Variants in OPA3 observed in about 807,000 individuals in gnomAD.
OPA3 encodes optic atrophy 3 protein.
OPA3 carries 6 observed loss-of-function variants against 4.0 expected under a neutral mutation model. The observed-to-expected ratio is 1.51, with a 90% CI of 0.83 to 2.99. The LOEUF is 2.99. Ranked by LOEUF, OPA3 falls within the 30% of genes most tolerant of loss-of-function variation. The pLI is 0.00. For synonymous variants in OPA3, 105 were observed against 117.1 expected, an observed-to-expected ratio of 0.90 and a Z score of 0.67; for missense variants, 235 against 256.2, an observed-to-expected ratio of 0.92 and a Z score of 0.56.
chr19:45,532,618 G>T lies in OPA3; in HGVS notation c.143-3162C>A, dbSNP rs182223281. On this transcript the variant is annotated intron_variant, in intron 1 of 1. Transcript: ENST00000323060. ...TTGCTCCTTTTTGTTACACCACTGG[G>T]AGGTTTTGTTGACTTTCAGAACTTA... Among the ~76,000 whole-genome samples, 108 of 152,142 alleles carry T rather than the reference G, an allele frequency of 7.1e-4. 1 individual carries two copies. The highest frequency in any genetic ancestry group is 2.5e-3 in the African/African-American group (104 of 41,498).
At chr19:45,555,879 G>A (rs1398881699) in intron 1 of OPA3, among the ~76,000 whole-genome samples, 1 of 151,890 alleles carries the variant, frequency 6.6e-6, no homozygotes, top group Non-Finnish European at 1.5e-5. Context: ...TGATCTGGCT[G>A]CCTCGGCCTC....
intron 1 of OPA3, among the ~76,000 whole-genome samples, chr19:45,582,678 G>A (rs1969874407): frequency 1.3e-5 from 2 of 151,904 alleles, no homozygotes; most frequent in African/African-American, 2.4e-5. Context: ...TGGGTTGGGG[G>A]GCCACAAGAT....
chr19:45,580,838 G>A (rs1028805456), intron 1 of OPA3, among the ~76,000 whole-genome samples: 2 of 151,500 alleles, frequency 1.3e-5, no homozygotes, highest in African/African-American at 4.9e-5. Flanking sequence ...GGCTGGTCTT[G>A]AACTCCTGAC....
intron 1 of OPA3, among the ~76,000 whole-genome samples, chr19:45,574,396 CAAA>C (rs779877314): frequency 2.8e-5 from 2 of 72,552 alleles, no homozygotes. Flanking sequence ...GACTCTGTCT[CAAA>C]AAAAAAAAAA....
chr19:45,531,756 A>G (rs1969063237), intron 1 of OPA3, among the ~76,000 whole-genome samples: 1 of 152,176 alleles, frequency 6.6e-6, no homozygotes, highest in Non-Finnish European at 1.5e-5. Context: ...TGGTTCCACG[A>G]TGTGTAAAGG....
intron 1 of OPA3, among the ~76,000 whole-genome samples, chr19:45,554,816 G>C (rs900493037): frequency 2.6e-5 from 4 of 152,202 alleles, no homozygotes; most frequent in Non-Finnish European, 4.4e-5. Flanking sequence ...TTTAGAGACG[G>C]AGTCTCACTC....
chr19:45,571,752 C>T (rs1237719376), intron 1 of OPA3, among the ~76,000 whole-genome samples: 3 of 152,148 alleles, frequency 2.0e-5, no homozygotes, highest in Admixed American at 2.0e-4. Context: ...TGGGCATCTA[C>T]TGGAAGTGCC....
chr19:45,568,811 G>A (rs1969620156), intron 1 of OPA3, among the ~76,000 whole-genome samples: 1 of 152,074 alleles, frequency 6.6e-6, no homozygotes, highest in Non-Finnish European at 1.5e-5. Flanking sequence ...TGTGACGCAG[G>A]GTGGACCACT....
chr19:45,558,199 G>C (rs572429139), intron 1 of OPA3, among the ~76,000 whole-genome samples: 1 of 152,196 alleles, frequency 6.6e-6, no homozygotes, highest in African/African-American at 2.4e-5. Flanking sequence ...GGGCGTGGTG[G>C]GAGGCCCCTG....
downstream of OPA3, among the ~76,000 whole-genome samples, chr19:45,544,790 G>A (rs1326362181): frequency 7.0e-5 from 8 of 113,736 alleles, no homozygotes; most frequent in East Asian, 2.0e-3. Flanking sequence ...GCAAAACTCC[G>A]TCTCAAAATA....
At chr19:45,570,313 C>T (rs1447872754) in intron 1 of OPA3, among the ~76,000 whole-genome samples, 1 of 152,208 alleles carries the variant, frequency 6.6e-6, no homozygotes, top group Admixed American at 6.6e-5. Context: ...TTAAACGCAG[C>T]CAATGACACA....
chr19:45,551,502 C>T lies in OPA3; in HGVS notation c.*2012G>A. The T allele has an allele frequency of 6.4e-6, 1 of 156,182 alleles. No individual in the cohort carries two copies. The highest frequency in any genetic ancestry group is 1.4e-5 in the Non-Finnish European group (1 of 71,614). The allele number at this position is 156,182 out of a possible 1,614,324, so 9.7% of individuals were successfully genotyped here. Reference sequence around the variant, plus strand: ...GAGACAAAATAGAAGAGGGAAAAGGCCATGTGAAGCTGCAGGCAGAGCCAA... The same window carrying T: ...GAGACAAAATAGAAGAGGGAAAAGGTCATGTGAAGCTGCAGGCAGAGCCAA... On this transcript the variant is annotated 3_prime_UTR_variant, in exon 2 of 2. Transcript: ENST00000263275.
chr19:45,527,906 G>C (rs1568393353), exon 2 of OPA3: 1 of 152,356 alleles, frequency 6.6e-6, no homozygotes, highest in East Asian at 1.9e-4. Flanking sequence ...GGAATACCCC[G>C]CTTGGACAGG....
intron 1 of OPA3, among the ~76,000 whole-genome samples, chr19:45,554,852 A>G (rs1030589618): frequency 2.0e-5 from 3 of 152,030 alleles, no homozygotes; most frequent in African/African-American, 7.3e-5. Context: ...GTGCAGTGGC[A>G]CAGTCTTGGC....
chr19:45,542,972 G>A (rs1032670111), downstream of OPA3, among the ~76,000 whole-genome samples: 3 of 151,670 alleles, frequency 2.0e-5, no homozygotes, highest in African/African-American at 4.8e-5. Context: ...TGCCCAGCGC[G>A]TGACTTCACT....
At chr19:45,574,234 A>G (rs1347205305) in intron 1 of OPA3, among the ~76,000 whole-genome samples, 1 of 151,926 alleles carries the variant, frequency 6.6e-6, no homozygotes, top group African/African-American at 2.4e-5. Context: ...TCTACTAAAA[A>G]TACAAAAAAT....
chr19:45,567,197 G>A (rs994831089), intron 1 of OPA3, among the ~76,000 whole-genome samples: 9 of 151,708 alleles, frequency 5.9e-5, no homozygotes, highest in African/African-American at 2.2e-4. Context: ...TAAATTAGCC[G>A]GGCATGGTGG....
At chr19:45,540,296 G>A (rs1360114050) in intron 1 of OPA3, among the ~76,000 whole-genome samples, 5 of 151,656 alleles carry the variant, frequency 3.3e-5, no homozygotes, top group Admixed American at 6.6e-5. Context: ...CAGCCTGGGT[G>A]CCAGAGCGAG....
chr19:45,534,388 C>T (rs1969092220), intron 1 of OPA3, among the ~76,000 whole-genome samples: 2 of 151,758 alleles, frequency 1.3e-5, no homozygotes, highest in African/African-American at 4.8e-5. Flanking sequence ...CTAATTAAAC[C>T]CCATCTCCAC....
Sources: allele counts gnomAD v4.1 joint callset (sites outside exome capture counted in the v4.1 genomes callset), GRCh38; gene constraint gnomAD v4.1.1; transcripts MANE v1.5; gene names NCBI Gene and HGNC (gene_info 2026-07-23, HGNC 2026-07-21).